POLG: variants seen among roughly 807,000 people sequenced by gnomAD.
POLG encodes the protein DNA polymerase subunit gamma-1.
A neutral mutation model predicts 155.4 loss-of-function variants in POLG; 110 were observed. The ratio of observed to expected loss-of-function variants is 0.71; its 90% CI spans 0.61 to 0.83. The LOEUF (loss-of-function observed/expected upper bound fraction) is 0.83. POLG is among the 40% of genes least tolerant of loss of function. POLG has a pLI of 0.00. For synonymous variants in POLG, 701 were observed against 631.5 expected, an observed-to-expected ratio of 1.11 and a Z score of -1.65; for missense variants, 1,685 against 1,627.5, an observed-to-expected ratio of 1.04 and a Z score of -0.61.
Position 89,325,131 on chromosome 15 carries a change from AG to A in POLG, c.1949+318del, listed in dbSNP as rs2055474122. Among the ~76,000 whole-genome samples, 12 of 44,682 alleles carry A rather than the reference AG, an allele frequency of 2.7e-4. 1 individual carries two copies. The highest frequency in any genetic ancestry group is 2.1e-3 in the African/African-American group (12 of 5,608). The allele number at this position is 44,682 out of a possible 152,430, so 29.3% of individuals were successfully genotyped here. ...GAGAGAGAGTGAGTGAGTGAGTGAG[AG>A]AGTGAGTGAGAGAGTGAGTGAGTGA... is the stretch of plus-strand genomic sequence containing the variant. On this transcript the variant is annotated intron_variant, in intron 10 of 22. Coordinates refer to ENST00000268124, the MANE Select transcript of POLG (RefSeq NM_002693.3).
intron 22 of POLG, 21 bp from the exon 23 acceptor site, chr15:89,316,848 G>C (rs554635520): frequency 8.3e-6 from 13 of 1,570,940 alleles, no homozygotes; most frequent in Non-Finnish European, 8.8e-6. Context: ...GTGCAAATTG[G>C]TTAGGATGCC....
At chr15:89,333,013 G>C in intron 2 of POLG, 83 bp downstream of exon 2, 3 of 1,484,690 alleles carry the variant, frequency 2.0e-6, no homozygotes, top group African/African-American at 1.4e-5. Flanking sequence ...GCCCGTAACA[G>C]GACCTCAGAA....
chr15:89,318,547 A>G lies in POLG; in HGVS notation c.3476T>C (p.Leu1159Ser). ...GGCCATGGGCCCCGCATACCTGGTCAAGAGGTTGGTGATCTGCAAGGCCAG... is the reference window on the plus strand; with the variant it reads ...GGCCATGGGCCCCGCATACCTGGTCGAGAGGTTGGTGATCTGCAAGGCCAG... ...AALALQITNL[L>S]TRCMFAYKLG... is the part of the protein sequence containing the mutation. Residue 1159 changes from leucine to serine, a missense_variant, in exon 21 of 23, where the codon TTG (leucine) becomes TCG (serine). Leu to Ser is a moderately radical substitution (Grantham distance 145). Transcript: ENST00000268124. The G allele has an allele frequency of 1.9e-6, 3 of 1,613,194 alleles. No homozygotes were observed. The highest frequency in any genetic ancestry group is 2.5e-6 in the Non-Finnish European group (3 of 1,179,930).
chr15:89,325,243 T>TGAGA lies in POLG; in HGVS notation c.1949+206_1949+207insTCTC, dbSNP rs1567189939. Among the ~76,000 whole-genome samples the TGAGA allele has an allele frequency of 6.3e-5, 5 of 79,388 alleles. 1 individual carries two copies. The highest frequency in any genetic ancestry group is 1.5e-4 in the African/African-American group (2 of 13,412). 52.1% of individuals were successfully genotyped at this position (79,388 alleles called of 152,430 possible). ...GTGAGAGAGTGAGTGAGAGAGTGAG[T>TGAGA]GAGTGAGAGAGAGAGTGAGTGAGTG... is the stretch of plus-strand genomic sequence containing the variant. On this transcript the variant is annotated intron_variant, in intron 10 of 22. Coordinates refer to ENST00000268124, the MANE Select transcript of POLG (RefSeq NM_002693.3).
intron 2 of POLG, 50 bp downstream of exon 2, chr15:89,333,046 T>A (rs376296588): frequency 5.3e-6 from 8 of 1,499,046 alleles, no homozygotes; most frequent in Non-Finnish European, 7.1e-6. Context: ...AACAAACTAT[T>A]AAGCTGGGCC....
chr15:89,323,307 A>C, intron 13 of POLG, 97 bp downstream of exon 13: 1 of 776,216 alleles, frequency 1.3e-6, no homozygotes. Flanking sequence ...TCATTCCCAC[A>C]AAAAGGAAAG....
At chr15:89,320,638 T>A in intron 18 of POLG, 128 bp downstream of exon 18, 1 of 1,027,902 alleles carries the variant, frequency 9.7e-7, no homozygotes, top group Non-Finnish European at 1.5e-6. Context: ...GTTACACAGG[T>A]GTGGAAGGAG....
chr15:89,319,761 C>G (rs2055366952), intron 18 of POLG, among the ~76,000 whole-genome samples: 1 of 152,204 alleles, frequency 6.6e-6, no homozygotes, highest in South Asian at 2.1e-4. Flanking sequence ...AGGCTACTCC[C>G]TGAAGGGGAG....
chr15:89,331,265 G>C (rs1185889802), intron 2 of POLG, among the ~76,000 whole-genome samples: 1 of 152,140 alleles, frequency 6.6e-6, no homozygotes, highest in Non-Finnish European at 1.5e-5. Flanking sequence ...ACTCCAAATG[G>C]TGAAAATAAG....
chr15:89,334,081 G>A (rs2055637666), intron 1 of POLG, 168 bp from the exon 2 acceptor site: 1 of 403,248 alleles, frequency 2.5e-6, no homozygotes, highest in Non-Finnish European at 4.5e-6. Context: ...CCCTCCTGGG[G>A]GAACCGGGGT....
intron 21 of POLG, chr15:89,317,921 T>TAAAC: frequency 3.0e-6 from 1 of 335,192 alleles, no homozygotes; most frequent in Non-Finnish European, 5.8e-6. Flanking sequence ...TTGAATATTG[T>TAAAC]AAACATCTGT....
chr15:89,334,213 T>C (rs568349153), intron 1 of POLG, among the ~76,000 whole-genome samples: 2 of 152,348 alleles, frequency 1.3e-5, no homozygotes, highest in African/African-American at 4.8e-5. Context: ...CTGTGTGACC[T>C]TGGGCAAAGC....
Position 89,327,297 on chromosome 15 carries a change from G to A in POLG, c.1303C>T (p.Leu435=). The change falls in exon 7 of 23, where the codon CTG becomes TTG. Residue 435 remains leucine, a synonymous_variant. Transcript: ENST00000268124. ...AGMLEMGVSY[L]PVNQNWERYL... ...CGCTCCCAGTTCTGGTTGACAGGCA[G>A]GTAGGAGACACCCATCTCCAGCATG... The A allele has an allele frequency of 1.9e-6, 3 of 1,614,134 alleles. No homozygotes were observed. Among genetic ancestry groups the A allele is most frequent in the South Asian group, 2.2e-5 (2 of 91,086 alleles).
rs748834542 is a variant in POLG at position 89,323,838 on chromosome 15, C to A, written c.2134G>T (p.Val712Leu). Residue 712 changes from valine (V) to leucine (L), a missense_variant, in exon 12 of 23, where the codon GTG becomes TTG. Physicochemically the swap from Val to Leu is conservative, Grantham distance 32. Around this residue, in one of 3 missense-constraint regions of POLG, gnomAD observed 1,210 missense variants for 1,167.1 expected, o/e 1.04. Coordinates refer to ENST00000268124, the MANE Select transcript of POLG (RefSeq NM_002693.3). ...ACCAGAGCTAGGGGTTGACCTGGCA[C>A]TGCAGCTCGCAAGTTCTCCATCTTG... ...EAKMENLRAAVPGQPLALTAR... is the reference protein window; with the variant it reads ...EAKMENLRAALPGQPLALTAR... 6.2e-6 allele frequency: 10 copies of A among 1,614,008 alleles called. No homozygotes were observed. In the East Asian group the frequency reaches 1.8e-4, roughly 29 times the overall value.
intron 12 of POLG, 137 bp downstream of exon 12, chr15:89,323,678 G>C (rs1269736579): frequency 2.5e-5 from 21 of 843,914 alleles, no homozygotes; most frequent in Non-Finnish European, 3.9e-5. Context: ...AACACGTGTG[G>C]GGCCTCCCAG....
At position 89,319,026 on chromosome 15, in the gene POLG, T is replaced by C. The variant is rs1444338482; in HGVS notation, c.3178A>G (p.Lys1060Glu). 7 of 1,614,124 alleles carry C rather than the reference T, an allele frequency of 4.3e-6. No individual in the cohort carries two copies. The highest frequency in any genetic ancestry group is 4.2e-6 in the Non-Finnish European group (5 of 1,180,008). The part of the protein sequence containing the change: ...KGGTESEMFN[K>E]LESIATSDIP... ...TCAGACGTAGCAATGCTCTCAAGCT[T>C]ATTGAACATTTCTGACTCTGTGCCC... Residue 1060 changes from lysine to glutamate, a missense_variant, in exon 20 of 23, where the codon AAG (lysine) becomes GAG (glutamate). Physicochemically the swap from Lys to Glu is moderately conservative, Grantham distance 56. Coordinates refer to ENST00000268124, the MANE Select transcript of POLG (RefSeq NM_002693.3).
intron 10 of POLG, among the ~76,000 whole-genome samples, chr15:89,325,105 T>A (rs78408998): frequency 0.014 from 370 of 26,222 alleles, 10 homozygotes; most frequent in African/African-American, 0.056. Flanking sequence ...AGTGAGAGAG[T>A]GAGAGAGAGT....
In POLG at chr15:89,323,838, C is replaced by T. The variant is rs748834542; in HGVS notation, c.2134G>A (p.Val712Met). The T allele has an allele frequency of 9.3e-6, 15 of 1,614,126 alleles. No homozygotes were observed. In the Admixed American group the frequency reaches 1.2e-4, roughly 13 times the overall value. The part of the protein sequence containing the change: ...EAKMENLRAA[V>M]PGQPLALTAR... Reference sequence around the variant, plus strand: ...ACCAGAGCTAGGGGTTGACCTGGCACTGCAGCTCGCAAGTTCTCCATCTTG... The same window carrying T: ...ACCAGAGCTAGGGGTTGACCTGGCATTGCAGCTCGCAAGTTCTCCATCTTG... Residue 712 changes from valine to methionine, a missense_variant, in exon 12 of 23, where the codon GTG (valine) becomes ATG (methionine). Transcript: ENST00000268124.
At chr15:89,324,286 G>A (rs1247119996) in intron 10 of POLG, 59 bp from the exon 11 acceptor site, 24 of 1,595,142 alleles carry the variant, frequency 1.5e-5, no homozygotes, top group South Asian at 3.3e-5. Context: ...CTCTGGGCCA[G>A]GCAGCTTGCT....
Sources: gnomAD v4.1 joint callset for allele counts (sites outside exome capture counted in the v4.1 genomes callset) on GRCh38, gnomAD v4.1.1 for gene constraint, gnomAD v4.1.1 regional missense constraint, MANE v1.5 for transcripts, NCBI Gene and HGNC (gene_info 2026-07-23, HGNC 2026-07-21) for gene names.